Variants in FABP2 observed in about 807,000 individuals in gnomAD.
The protein encoded by FABP2 is fatty acid binding protein 2.
A neutral mutation model predicts 16.1 loss-of-function variants in FABP2; 11 were observed. That is an observed-to-expected ratio of 0.68 (90% CI 0.43 to 1.13). FABP2 has a LOEUF of 1.13. Ranked by LOEUF, FABP2 falls within the 50% of genes most tolerant of loss-of-function variation. FABP2 has a pLI of 0.00. For missense variants in FABP2, 146 were observed against 155.1 expected, an observed-to-expected ratio of 0.94 and a Z score of 0.31; for synonymous variants, 45 against 50.9, an observed-to-expected ratio of 0.88 and a Z score of 0.49.
chr4:119,318,596 C>T lies in FABP2; in HGVS notation c.*445G>A, dbSNP rs1238916310. The T allele has an allele frequency of 6.5e-6, 1 of 154,404 alleles. No homozygotes were observed. The highest frequency in any genetic ancestry group is 1.4e-5 in the Non-Finnish European group (1 of 69,836). The allele number at this position is 154,404 out of a possible 1,614,324, so 9.6% of individuals were successfully genotyped here. A position where few individuals can be genotyped will look rare whatever the true frequency, so the allele number is the denominator to read the frequency against. The stretch of plus-strand genomic sequence containing the variant: ...GGCACTGTGGAATGTACCCATAGTC[C>T]TAGCTACTCAGAAGCCTGAGGCAGG... On this transcript the variant is annotated 3_prime_UTR_variant, in exon 4 of 4. Coordinates refer to ENST00000274024, the MANE Select transcript of FABP2 (RefSeq NM_000134.4).
chr4:119,320,027 CT>C (rs33970343), intron 2 of FABP2, among the ~76,000 whole-genome samples: 51,093 of 151,664 alleles, frequency 0.34, 8,748 homozygotes, highest in East Asian at 0.39. Flanking sequence ...ATGTTAACAA[CT>C]CTGTGCTTGT....
intron 3 of FABP2, 73 bp from the exon 4 acceptor site, chr4:119,319,164 GT>G: frequency 1.2e-6 from 1 of 844,118 alleles, no homozygotes; most frequent in South Asian, 1.8e-5. Flanking sequence ...TAGTATTATA[GT>G]TTTATACTAT....
intron 1 of FABP2, 70 bp downstream of exon 1, chr4:119,321,966 A>G (rs931005821): frequency 1.6e-6 from 2 of 1,241,118 alleles, no homozygotes; most frequent in Non-Finnish European, 2.3e-6. Context: ...TCTCCTAGAG[A>G]TTTAGGAGTT....
Position 119,319,604 on chromosome 4 carries a change from A to C in FABP2, c.280T>G (p.Phe94Val). Residue 94 changes from phenylalanine to valine, a missense_variant, in exon 3 of 4, where the codon TTC becomes GTC. Physicochemically the swap from Phe to Val is conservative, Grantham distance 50. Transcript: ENST00000274024. ...TCGTTTCCATTGTCTGTCCGTTTGA[A>C]TTTTCCAATAAGTTTATTTCCCTCA... The part of the protein sequence containing the change: ...SLEGNKLIGK[F>V]KRTDNGNELN... 5.2e-6 allele frequency: 8 copies of C among 1,528,774 alleles called. No individual in the cohort carries two copies. The highest frequency in any genetic ancestry group is 6.2e-6 in the Non-Finnish European group (7 of 1,138,056). 94.7% of individuals were successfully genotyped at this position (1,528,774 alleles called of 1,614,324 possible).
chr4:119,320,746 G>T lies in FABP2; in HGVS notation c.164C>A (p.Thr55Asn). 6.2e-7 allele frequency: 1 copy of T among 1,607,404 alleles called. No individual in the cohort carries two copies. Among genetic ancestry groups the T allele is most frequent in the South Asian group, 1.1e-5 (1 of 89,724 alleles). Residue 55 changes from threonine to asparagine, a missense_variant, in exon 2 of 4, where the codon ACT (threonine) becomes AAT (asparagine). Thr to Asn is a moderately conservative substitution (Grantham distance 65). Coordinates refer to ENST00000274024, the MANE Select transcript of FABP2 (RefSeq NM_000134.4). ...GNKFTVKESS[T>N]FRNIEVVFEL... ...AAAAACAACTTCAATGTTTCGAAAA[G>T]TGCTTGATTCTTTGACTGTGAATTT...
Position 119,319,034 on chromosome 4 carries a change from A to G in FABP2, c.*7T>C. On this transcript the variant is annotated 3_prime_UTR_variant, in exon 4 of 4. Coordinates refer to ENST00000274024, the MANE Select transcript of FABP2 (RefSeq NM_000134.4). ...TTGTATTTTGGACTGTGCGCCAAGA[A>G]TAATGCTCAATCCTTTTTAAAGATC... 1 of 1,599,288 alleles carries G rather than the reference A, an allele frequency of 6.3e-7. No homozygotes were observed. Among genetic ancestry groups the G allele is most frequent in the East Asian group, 2.3e-5 (1 of 43,728 alleles).
chr4:119,320,010 C>A (rs1226363359), intron 2 of FABP2, among the ~76,000 whole-genome samples: 4 of 140,370 alleles, frequency 2.8e-5, no homozygotes, highest in Admixed American at 7.1e-5. Flanking sequence ...AAATTAGTTT[C>A]ATGGAGATGT....
rs1025140288 is a variant in FABP2 at position 119,317,987 on chromosome 4, T to G, written c.*1054A>C. On this transcript the variant is annotated 3_prime_UTR_variant, in exon 4 of 4. Coordinates refer to ENST00000274024, the MANE Select transcript of FABP2 (RefSeq NM_000134.4). The stretch of plus-strand genomic sequence containing the variant: ...AGAATCACCAGGAAATTTTCTAGAA[T>G]TCTTGGTTCTATTAGCGATTCTGAT... 34 of 152,218 alleles carry G rather than the reference T, an allele frequency of 2.2e-4. No homozygotes were observed. The highest frequency in any genetic ancestry group is 7.9e-4 in the African/African-American group (33 of 41,558). The allele number at this position is 152,218 out of a possible 1,614,324, so 9.4% of individuals were successfully genotyped here. A position where few individuals can be genotyped will look rare whatever the true frequency, so the allele number is the denominator to read the frequency against.
rs1755604625 is a variant in FABP2, at chr4:119,317,839, TG to T, written c.*1201del. 1 of 152,004 alleles carries T rather than the reference TG, an allele frequency of 6.6e-6. No individual in the cohort carries two copies. The allele number at this position is 152,004 out of a possible 1,614,324, so 9.4% of individuals were successfully genotyped here. On this transcript the variant is annotated 3_prime_UTR_variant, in exon 4 of 4. Coordinates refer to ENST00000274024, the MANE Select transcript of FABP2 (RefSeq NM_000134.4). ...GGAAACTTTTTGAGCCCTGGAAAAT[TG>T]GCAATGTATGTGTTTATGTGAAAAA...
rs2149498605 is a variant in FABP2 at position 119,322,124 on chromosome 4, T to C, written c.-22A>G. The stretch of plus-strand genomic sequence containing the variant: ...CCATGATTTCAGTTGAGTCAGCCTC[T>C]AGGCAGCTAGAGATTCAGGTCTGTC... On this transcript the variant is annotated 5_prime_UTR_variant, in exon 1 of 4. Coordinates refer to ENST00000274024, the MANE Select transcript of FABP2 (RefSeq NM_000134.4). 2 of 1,601,186 alleles carry C rather than the reference T, an allele frequency of 1.2e-6. No homozygotes were observed. The highest frequency in any genetic ancestry group is 1.7e-6 in the Non-Finnish European group (2 of 1,170,116).
At chr4:119,320,994 A>G in intron 1 of FABP2, 152 bp from the exon 2 acceptor site, 1 of 603,944 alleles carries the variant, frequency 1.7e-6, no homozygotes. Flanking sequence ...CTTCTACAGA[A>G]GTTCAGGTTC....
At position 119,317,743 on chromosome 4, in the gene FABP2, A is replaced by G. The variant is rs1755602954; in HGVS notation, c.*1298T>C. ...AATTGTACCCCCTCTCCATCCCCTA[A>G]TATGTACCCTGCTAAAATACAATTA... On this transcript the variant is annotated 3_prime_UTR_variant, in exon 4 of 4. Coordinates refer to ENST00000274024, the MANE Select transcript of FABP2 (RefSeq NM_000134.4). 6.6e-6 allele frequency: 1 copy of G among 152,012 alleles called. No individual in the cohort carries two copies. The highest frequency in any genetic ancestry group is 2.1e-4 in the South Asian group (1 of 4,832). 9.4% of individuals were successfully genotyped at this position (152,012 alleles called of 1,614,324 possible).
rs371694549 is a variant in FABP2 at position 119,319,140 on chromosome 4, A to C, written c.349-49T>G. 1.6e-5 allele frequency: 20 copies of C among 1,268,792 alleles called. No homozygotes were observed. The African/African-American group carries it at 2.9e-4, about 19-fold the overall frequency. 78.6% of individuals were successfully genotyped at this position (1,268,792 alleles called of 1,614,324 possible). A position where few individuals can be genotyped will look rare whatever the true frequency, so the allele number is the denominator to read the frequency against. On this transcript the variant is annotated intron_variant, in intron 3 of 3. Coordinates refer to ENST00000274024, the MANE Select transcript of FABP2 (RefSeq NM_000134.4). The stretch of plus-strand genomic sequence containing the variant: ...GAATTTATCTTTAAGGTTTACATCT[A>C]AGTTAAGAAAAAGTAGTATTATAGT...
At chr4:119,319,117 AT>A in intron 3 of FABP2, 26 bp from the exon 4 acceptor site, 1 of 1,512,902 alleles carries the variant, frequency 6.6e-7, no homozygotes. Flanking sequence ...AAACAGAAGA[AT>A]TTATCTTTAA....
In FABP2 at chr4:119,318,763, C is replaced by T; in HGVS notation, c.*278G>A. On this transcript the variant is annotated 3_prime_UTR_variant, in exon 4 of 4. Transcript: ENST00000274024. ...TTCACATACTTTTTCTTTTAAAAGG[C>T]AAGGCTACATATAAAGCAACATGGA... The T allele has an allele frequency of 3.3e-6, 1 of 298,814 alleles. No individual in the cohort carries two copies. The highest frequency in any genetic ancestry group is 5.6e-5 in the South Asian group (1 of 17,822). The allele number at this position is 298,814 out of a possible 1,614,324, so 18.5% of individuals were successfully genotyped here. A position where few individuals can be genotyped will look rare whatever the true frequency, so the allele number is the denominator to read the frequency against.
At chr4:119,321,123 T>C (rs1283430854) in intron 1 of FABP2, among the ~76,000 whole-genome samples, 7 of 152,132 alleles carry the variant, frequency 4.6e-5, no homozygotes, top group African/African-American at 1.4e-4. Flanking sequence ...AAACTGTTCA[T>C]TTCAGTGTTA....
rs1241148229 is a variant in FABP2, at chr4:119,320,860, A to G, written c.68-18T>C. On this transcript the variant is annotated intron_variant, in intron 1 of 3. Transcript: ENST00000274024. ...ATTAACACCTGTAAAAGGTAAGACA[A>G]TGGAGAAAATAAAGTCAAATCCCAT... 3.3e-6 allele frequency: 5 copies of G among 1,521,502 alleles called. No individual in the cohort carries two copies. The highest frequency in any genetic ancestry group is 5.0e-5 in the East Asian group (2 of 39,880). The allele number at this position is 1,521,502 out of a possible 1,614,324, so 94.3% of individuals were successfully genotyped here. A position where few individuals can be genotyped will look rare whatever the true frequency, so the allele number is the denominator to read the frequency against.
At chr4:119,319,508 GA>G (rs1490225723) in intron 3 of FABP2, 27 bp downstream of exon 3, 1 of 1,450,400 alleles carries the variant, frequency 6.9e-7, no homozygotes, top group South Asian at 1.2e-5. Context: ...TTTGCCTTTT[GA>G]AAATAGCTAT....
chr4:119,321,763 C>T (rs543135464), intron 1 of FABP2, among the ~76,000 whole-genome samples: 15 of 152,224 alleles, frequency 9.9e-5, no homozygotes, highest in African/African-American at 2.9e-4. Context: ...AGTCATTTTT[C>T]AGTTAAAGAG....
Sources: gnomAD v4.1 joint callset for allele counts (sites outside exome capture counted in the v4.1 genomes callset) on GRCh38, gnomAD v4.1.1 for gene constraint, MANE v1.5 for transcripts, NCBI Gene and HGNC (gene_info 2026-07-23, HGNC 2026-07-21) for gene names.